KLHL29: variants seen among roughly 807,000 people sequenced by gnomAD.
KLHL29 encodes kelch like family member 29.
A neutral mutation model predicts 80.4 loss-of-function variants in KLHL29; 21 were observed. The observed-to-expected ratio is 0.26, with a 90% confidence interval of 0.19 to 0.38. The LOEUF is 0.38. KLHL29 is among the 10% of genes least tolerant of loss of function. The pLI, the probability that KLHL29 is intolerant of heterozygous loss-of-function variation, is 1.00. For synonymous variants in KLHL29, 511 were observed against 526.8 expected (o/e 0.97, Z 0.41); for missense variants, 867 against 1,223.9 (o/e 0.71, Z 4.35).
At chr2:23,476,878 G>A (rs766210115) in intron 2 of KLHL29, among the ~76,000 whole-genome samples, 26 of 152,346 alleles carry the variant, frequency 1.7e-4, no homozygotes, top group Non-Finnish European at 3.5e-4. Flanking sequence ...TCTGGGATCT[G>A]CTTTAGCCCC....
chr2:23,445,002 T>C (rs1047552956), intron 1 of KLHL29, among the ~76,000 whole-genome samples: 3 of 152,204 alleles, frequency 2.0e-5, no homozygotes, highest in African/African-American at 7.2e-5. Context: ...TGTTGGAAAC[T>C]GTGACTTTAA....
rs1459872126 is a variant in KLHL29, at chr2:23,448,013, G to T, written c.-153-27547G>T. On this transcript the variant is annotated intron_variant, in intron 1 of 13. Coordinates refer to ENST00000486442, the MANE Select transcript of KLHL29 (RefSeq NM_052920.2). ...TAATTTCATGTCATATGACTGTCAG[G>T]ATAGCTCGTGCATAGAAATGACCCA... Among the ~76,000 whole-genome samples the T allele has an allele frequency of 6.6e-5, 10 of 152,204 alleles. No individual in the cohort carries two copies. The East Asian group carries it at 1.9e-3, about 29-fold the overall frequency.
intron 1 of KLHL29, among the ~76,000 whole-genome samples, chr2:23,438,961 G>T (rs1056543305): frequency 6.8e-6 from 1 of 146,620 alleles, no homozygotes; most frequent in African/African-American, 2.6e-5. Context: ...TGGTAGGTAA[G>T]CTATTGATTA....
At chr2:23,483,299 G>T (rs184536243) in intron 2 of KLHL29, among the ~76,000 whole-genome samples, 40 of 152,350 alleles carry the variant, frequency 2.6e-4, no homozygotes, top group African/African-American at 9.6e-4. Context: ...ATATGTGTGT[G>T]TGCAGGGAAC....
At chr2:23,395,874 G>A (rs374709931) in intron 1 of KLHL29, among the ~76,000 whole-genome samples, 6 of 152,356 alleles carry the variant, frequency 3.9e-5, no homozygotes, top group South Asian at 4.1e-4. Context: ...CTCATGGTGA[G>A]TTACCAGGAG....
intron 3 of KLHL29, among the ~76,000 whole-genome samples, chr2:23,611,236 C>T (rs1668864287): frequency 6.6e-6 from 1 of 152,178 alleles, no homozygotes; most frequent in Admixed American, 6.5e-5. Context: ...AAGCCTTATG[C>T]TTACAGCCAG....
At chr2:23,508,315 C>T (rs142632489) in intron 2 of KLHL29, among the ~76,000 whole-genome samples, 7 of 152,352 alleles carry the variant, frequency 4.6e-5, no homozygotes, top group African/African-American at 1.7e-4. Flanking sequence ...TGGGAACACT[C>T]ACAGGTTGGG....
intron 2 of KLHL29, among the ~76,000 whole-genome samples, chr2:23,499,630 G>A (rs946221624): frequency 5.9e-5 from 9 of 152,202 alleles, no homozygotes; most frequent in East Asian, 1.9e-4. Flanking sequence ...AGTTTGAGGC[G>A]GGAAGAGGAG....
intron 1 of KLHL29, among the ~76,000 whole-genome samples, chr2:23,425,464 A>G (rs1182205127): frequency 6.6e-6 from 1 of 152,218 alleles, no homozygotes; most frequent in Non-Finnish European, 1.5e-5. Context: ...CCAGGGTCCC[A>G]TAGCAAATGC....
intron 2 of KLHL29, among the ~76,000 whole-genome samples, chr2:23,517,923 C>T (rs563082603): frequency 2.6e-5 from 4 of 152,312 alleles, no homozygotes; most frequent in Admixed American, 2.6e-4. Context: ...TATTTTTGTT[C>T]TCCCTCAGAC....
At chr2:23,409,557 C>G (rs188382570) in intron 1 of KLHL29, among the ~76,000 whole-genome samples, 1 of 152,330 alleles carries the variant, frequency 6.6e-6, no homozygotes, top group East Asian at 1.9e-4. Context: ...GAATATGTTG[C>G]CATCAGCAAT....
intron 3 of KLHL29, among the ~76,000 whole-genome samples, chr2:23,597,381 G>GTATATATATA (rs773511071): frequency 5.1e-5 from 3 of 58,894 alleles, no homozygotes; most frequent in African/African-American, 2.2e-4. Context: ...ATGTGTGTGT[G>GTATATATATA]TGTATATATA....
At chr2:23,517,490 C>T (rs1665972502) in intron 2 of KLHL29, among the ~76,000 whole-genome samples, 1 of 152,192 alleles carries the variant, frequency 6.6e-6, no homozygotes, top group African/African-American at 2.4e-5. Context: ...TTGCAGTGAG[C>T]CGAGATCGTG....
chr2:23,540,171 C>T (rs1213257955), intron 2 of KLHL29, among the ~76,000 whole-genome samples: 2 of 152,218 alleles, frequency 1.3e-5, no homozygotes, highest in African/African-American at 4.8e-5. Context: ...CCTGCAATCC[C>T]GCCCCCTGGT....
intron 1 of KLHL29, among the ~76,000 whole-genome samples, chr2:23,436,294 G>A (rs891473912): frequency 6.9e-6 from 1 of 145,550 alleles, no homozygotes; most frequent in Non-Finnish European, 1.5e-5. Flanking sequence ...GTGTGTGTGT[G>A]TGTGTGTGTG....
intron 3 of KLHL29, among the ~76,000 whole-genome samples, chr2:23,599,365 A>G (rs1162283436): frequency 1.3e-5 from 2 of 152,168 alleles, no homozygotes; most frequent in African/African-American, 4.8e-5. Flanking sequence ...GGCTTTTCTC[A>G]TCCGTAATAA....
chr2:23,413,268 GAGTT>G (rs1187158218), intron 1 of KLHL29, among the ~76,000 whole-genome samples: 1 of 152,122 alleles, frequency 6.6e-6, no homozygotes, highest in Non-Finnish European at 1.5e-5. Context: ...TGCTGGCACT[GAGTT>G]AGCCAGATGA....
intron 3 of KLHL29, among the ~76,000 whole-genome samples, chr2:23,585,534 A>C (rs1421108944): frequency 1.3e-5 from 2 of 152,138 alleles, no homozygotes; most frequent in Non-Finnish European, 2.9e-5. Flanking sequence ...TCAGATGATG[A>C]GTTCATTGCT....
chr2:23,549,880 T>C (rs916925071), intron 2 of KLHL29, among the ~76,000 whole-genome samples: 1 of 152,224 alleles, frequency 6.6e-6, no homozygotes, highest in African/African-American at 2.4e-5. Flanking sequence ...CTGCCATCCT[T>C]GGCTGTGCTG....
Sources: gnomAD v4.1 joint callset for allele counts (sites outside exome capture counted in the v4.1 genomes callset) on GRCh38, gnomAD v4.1.1 for gene constraint, MANE v1.5 for transcripts, NCBI Gene and HGNC (gene_info 2026-07-23, HGNC 2026-07-21) for gene names.